SCML2: variants seen among roughly 807,000 people sequenced by gnomAD.
SCML2 encodes the protein sex comb on midleg-like protein 2.
A neutral mutation model predicts 48.4 loss-of-function variants in SCML2; 6 were observed. The ratio of observed to expected loss-of-function variants is 0.12; its 90% CI spans 0.07 to 0.24. The LOEUF (loss-of-function observed/expected upper bound fraction) is 0.24. Among genes scored for constraint, SCML2 ranks in the 10% least tolerant of loss-of-function variants. The pLI is 1.00. For missense variants in SCML2, 377 were observed against 528.2 expected (o/e 0.71, Z 2.81); for synonymous variants, 181 against 189.5 (o/e 0.95, Z 0.37).
At chrX:18,282,939 A>T (rs978970858) in intron 7 of SCML2, among the ~76,000 whole-genome samples, 2 of 111,387 alleles carry the variant, frequency 1.8e-5, no homozygotes, top group African/African-American at 6.5e-5. Context: ...TCCTGAACTC[A>T]TTCTATGAAG....
At chrX:18,332,804 G>A (rs932572329) in intron 2 of SCML2, among the ~76,000 whole-genome samples, 27 of 109,001 alleles carry the variant, frequency 2.5e-4, no homozygotes, top group African/African-American at 8.7e-4. Flanking sequence ...GCAAGACCCA[G>A]TCTCCACAAA....
intron 5 of SCML2, 46 bp downstream of exon 5, chrX:18,323,813 A>G (rs1241317851): frequency 2.0e-6 from 2 of 993,835 alleles, no homozygotes; most frequent in East Asian, 3.1e-5. Flanking sequence ...TTTCTATTGA[A>G]TATCACATTA....
chrX:18,241,225 T>C lies in SCML2; in HGVS notation c.*26A>G, dbSNP rs750358127. ...ATGTTAACAGTACACCTGAGAATTA[T>C]GTCCAATCTAAACTTACACATTTTT... On this transcript the variant is annotated 3_prime_UTR_variant, in exon 15 of 15. Transcript: ENST00000251900. 7.8e-6 allele frequency: 9 copies of C among 1,148,521 alleles called. No individual in the cohort carries two copies. In the Admixed American group the frequency reaches 2.2e-4, roughly 28 times the overall value. The allele number at this position is 1,148,521 out of a possible 1,213,427, so 94.7% of individuals were successfully genotyped here.
intron 11 of SCML2, among the ~76,000 whole-genome samples, chrX:18,252,424 T>C (rs1280830215): frequency 8.9e-6 from 1 of 111,937 alleles, no homozygotes; most frequent in African/African-American, 3.3e-5. Context: ...TGGTATCCAG[T>C]GGTGAGGGGG....
intron 7 of SCML2, among the ~76,000 whole-genome samples, chrX:18,303,213 A>G (rs1250388065): frequency 9.0e-6 from 1 of 111,522 alleles, no homozygotes; most frequent in African/African-American, 3.3e-5. Context: ...CTTTTATTCC[A>G]TCAATCAGGA....
Position 18,323,887 on chromosome X carries a change from C to T in SCML2, c.369G>A (p.Lys123=). The T allele has an allele frequency of 8.3e-7, 1 of 1,209,788 alleles. No individual in the cohort carries two copies. The highest frequency in any genetic ancestry group is 3.0e-5 in the East Asian group (1 of 33,831). ...PDIQPVGTCE[K]EGDLLQPPLG... ...GTGGAGGTTGAAGTAAGTCTCCTTC[C>T]TTTTCACATGTCCCAACAGGTTGTA... Residue 123 remains lysine (K), a synonymous_variant, in exon 5 of 15, where the codon AAG becomes AAA. Coordinates refer to ENST00000251900, the MANE Select transcript of SCML2 (RefSeq NM_006089.3).
chrX:18,343,939 AAAAG>A lies in SCML2; in HGVS notation c.-24-9848_-24-9845del, dbSNP rs1164115089. 4.3e-4 allele frequency among the ~76,000 whole-genome samples: 45 copies of A among 105,196 alleles called. 1 individual carries two copies. Among genetic ancestry groups the A allele is most frequent in the African/African-American group, 1.5e-3 (44 of 28,581 alleles). 91.4% of individuals were successfully genotyped at this position (105,196 alleles called of 115,157 possible). On this transcript the variant is annotated intron_variant, in intron 1 of 14. Coordinates refer to ENST00000251900, the MANE Select transcript of SCML2 (RefSeq NM_006089.3). ...GCCTCTATTTAAAAAAAAAAAAAAA[AAAAG>A]AAAGAAAGAAAAGAAAAGAAAAGAA... is the stretch of plus-strand genomic sequence containing the variant.
intron 9 of SCML2, among the ~76,000 whole-genome samples, chrX:18,258,990 G>T (rs1422654833): frequency 9.0e-6 from 1 of 111,190 alleles, no homozygotes; most frequent in Non-Finnish European, 1.9e-5. Flanking sequence ...GAAGCTGGGC[G>T]CAGTTGGTCA....
rs182919492 is a variant in SCML2, at chrX:18,267,187, T to C, written c.731-1385A>G. On this transcript the variant is annotated intron_variant, in intron 7 of 14. Coordinates refer to ENST00000251900, the MANE Select transcript of SCML2 (RefSeq NM_006089.3). ...CTTGTATCTCCAAGACAACCAACCATGTCCCCTTTCTCCAATTCCAACTTC... is the reference window on the plus strand; with the variant it reads ...CTTGTATCTCCAAGACAACCAACCACGTCCCCTTTCTCCAATTCCAACTTC... Among the ~76,000 whole-genome samples the C allele has an allele frequency of 1.6e-3, 175 of 111,957 alleles. 1 individual carries two copies. The highest frequency in any genetic ancestry group is 5.4e-3 in the African/African-American group (168 of 30,866).
intron 7 of SCML2, among the ~76,000 whole-genome samples, chrX:18,275,661 G>T (rs1927605871): frequency 1.8e-5 from 2 of 112,239 alleles, no homozygotes; most frequent in African/African-American, 6.5e-5. Flanking sequence ...AATGTTTGCT[G>T]ATTGTTAATG....
At chrX:18,332,871 T>A (rs1348688182) in intron 2 of SCML2, among the ~76,000 whole-genome samples, 1 of 109,595 alleles carries the variant, frequency 9.1e-6, no homozygotes, top group Non-Finnish European at 1.9e-5. Flanking sequence ...CTCACCTGCT[T>A]GGGAGGCCAA....
upstream of SCML2, among the ~76,000 whole-genome samples, chrX:18,354,995 C>T (rs772428788): frequency 9.0e-6 from 1 of 111,644 alleles, no homozygotes; most frequent in Non-Finnish European, 1.9e-5. Flanking sequence ...CAAGTTCCAT[C>T]CCGGGAACTC....
At chrX:18,347,482 G>A (rs1930236198) in intron 1 of SCML2, among the ~76,000 whole-genome samples, 1 of 106,491 alleles carries the variant, frequency 9.4e-6, no homozygotes, top group South Asian at 4.2e-4. Context: ...CCGGGCGCAG[G>A]GGCTCATGCC....
intron 5 of SCML2, among the ~76,000 whole-genome samples, chrX:18,321,598 G>GA (rs776249974): frequency 0.032 from 1,294 of 40,452 alleles, 28 homozygotes; most frequent in Non-Finnish European, 0.038. Context: ...CACAATTGTT[G>GA]AAAAAAAAAA....
At chrX:18,302,144 CT>C (rs1339081957) in intron 7 of SCML2, among the ~76,000 whole-genome samples, 2 of 106,652 alleles carry the variant, frequency 1.9e-5, no homozygotes, top group Non-Finnish European at 3.9e-5. Context: ...TTTTCTTTTT[CT>C]TTTTTTTTTC....
chrX:18,335,476 C>A (rs955595704), intron 1 of SCML2, among the ~76,000 whole-genome samples: 30 of 110,604 alleles, frequency 2.7e-4, no homozygotes, highest in Non-Finnish European at 3.4e-4. Context: ...TGTACTCCAC[C>A]CTGGGAGTCA....
In SCML2 at chrX:18,251,309, CAAAAAAAAAAA is replaced by C. The variant is rs750658948; in HGVS notation, c.1457-3438_1457-3428del. ...TGGGTAACAGAGCAAGATTCCATTG[CAAAAAAAAAAA>C]AAAAAAAAAAAAAAAAAGTAGGAAG... On this transcript the variant is annotated intron_variant, in intron 11 of 14. Coordinates refer to ENST00000251900, the MANE Select transcript of SCML2 (RefSeq NM_006089.3). Among the ~76,000 whole-genome samples, 58 of 6,771 alleles carry C rather than the reference CAAAAAAAAAAA, an allele frequency of 8.6e-3. 1 individual carries two copies. Among genetic ancestry groups the C allele is most frequent in the Middle Eastern group, 0.083 (1 of 12 alleles). 5.9% of individuals were successfully genotyped at this position (6,771 alleles called of 115,157 possible).
intron 2 of SCML2, among the ~76,000 whole-genome samples, chrX:18,333,397 A>G (rs1929714603): frequency 8.9e-6 from 1 of 112,458 alleles, no homozygotes; most frequent in African/African-American, 3.2e-5. Flanking sequence ...CTCTCTCACC[A>G]AAAAGCCAAA....
At chrX:18,311,793 T>C (rs1928957619) in intron 6 of SCML2, among the ~76,000 whole-genome samples, 1 of 111,460 alleles carries the variant, frequency 9.0e-6, no homozygotes, top group Non-Finnish European at 1.9e-5. Context: ...TTTTGTTTGT[T>C]TTGTTTTTGT....
Sources: gnomAD v4.1 joint callset for allele counts (sites outside exome capture counted in the v4.1 genomes callset) on GRCh38, gnomAD v4.1.1 for gene constraint, MANE v1.5 for transcripts, NCBI Gene and HGNC (gene_info 2026-07-23, HGNC 2026-07-21) for gene names.